The following DERL1 variants were observed in gnomAD, a reference collection of about 807,000 sequenced individuals.
The protein encoded by DERL1 is derlin-1.
DERL1 carries 24 observed loss-of-function variants against 41.6 expected under a neutral mutation model. The ratio of observed to expected loss-of-function variants is 0.58; its 90% CI spans 0.42 to 0.81. The LOEUF (loss-of-function observed/expected upper bound fraction) is 0.81. DERL1 is among the 30% of genes least tolerant of loss of function. The probability of loss-of-function intolerance (pLI) is 0.00; values close to 1 mark genes in which losing one functional copy is unlikely to be tolerated. For synonymous variants in DERL1, 124 were observed against 112.5 expected (o/e 1.10, Z -0.65); for missense variants, 260 against 314.3 (o/e 0.83, Z 1.31).
rs1586476150 is a variant in DERL1, at chr8:123,041,976, G to C, written c.147C>G (p.Arg49=). The C allele has an allele frequency of 1.9e-6, 3 of 1,610,458 alleles. No homozygotes were observed. In the East Asian group the frequency reaches 6.7e-5, roughly 36 times the overall value. The change falls in exon 1 of 8, where the codon CGC becomes CGG. Residue 49 remains arginine (R), a synonymous_variant. Transcript: ENST00000259512. ...LFLWPEAFLY[R]FQIWRPITAT... is the part of the protein sequence containing the mutation. ...CCCCGTCTCCGGTAAGTACCTGAAA[G>C]CGATAAAGGAAGGCTTCGGGCCAGA...
intron 6 of DERL1, among the ~76,000 whole-genome samples, 177 bp downstream of exon 6, chr8:123,021,270 T>C (rs1433654954): frequency 1.3e-5 from 2 of 152,212 alleles, no homozygotes; most frequent in Non-Finnish European, 2.9e-5. Flanking sequence ...AGGTTAAATA[T>C]GCTTAAAGCC....
At chr8:123,037,861 A>C (rs2130496420) in intron 1 of DERL1, among the ~76,000 whole-genome samples, 1 of 152,328 alleles carries the variant, frequency 6.6e-6, no homozygotes, top group African/African-American at 2.4e-5. Flanking sequence ...ATGAAGAAAT[A>C]TAGCCATGCA....
intron 4 of DERL1, 83 bp from the exon 5 acceptor site, chr8:123,022,862 T>C: frequency 9.5e-7 from 1 of 1,048,374 alleles, no homozygotes; most frequent in Non-Finnish European, 1.5e-6. Flanking sequence ...TTACCCCTCC[T>C]CTTCACAACA....
chr8:123,033,793 G>C (rs1469196229), intron 1 of DERL1, among the ~76,000 whole-genome samples: 1 of 152,144 alleles, frequency 6.6e-6, no homozygotes, highest in African/African-American at 2.4e-5. Context: ...TACAACCCTA[G>C]CTGTAAATAA....
intron 1 of DERL1, among the ~76,000 whole-genome samples, chr8:123,034,142 G>C (rs2130490278): frequency 6.6e-6 from 1 of 152,328 alleles, no homozygotes; most frequent in South Asian, 2.1e-4. Flanking sequence ...AGTGTGGCTG[G>C]AATGGAGGAC....
chr8:123,014,507 T>A lies in DERL1; in HGVS notation c.*940A>T, dbSNP rs3739292. Reference sequence around the variant, plus strand: ...CAATGAACACATATCCAGAATGAGATTGAAATGGAATCAATGCCCAGGAGC... The same window carrying A: ...CAATGAACACATATCCAGAATGAGAATGAAATGGAATCAATGCCCAGGAGC... On this transcript the variant is annotated 3_prime_UTR_variant, in exon 8 of 8. Transcript: ENST00000259512. 6.6e-6 allele frequency: 1 copy of A among 152,588 alleles called. No individual in the cohort carries two copies. Among genetic ancestry groups the A allele is most frequent in the Non-Finnish European group, 1.5e-5 (1 of 68,058 alleles). 9.5% of individuals were successfully genotyped at this position (152,588 alleles called of 1,614,324 possible).
chr8:123,020,474 C>G (rs1028686565), intron 6 of DERL1, among the ~76,000 whole-genome samples: 5 of 151,754 alleles, frequency 3.3e-5, no homozygotes, highest in African/African-American at 4.8e-5. Flanking sequence ...AGCCAGACCC[C>G]ATCTTGAAAA....
rs1009693355 is a variant in DERL1, at chr8:123,041,975, A to C, written c.148T>G (p.Phe50Val). The change falls in exon 1 of 8, where the codon TTT becomes GTT. Residue 50 changes from phenylalanine (F) to valine (V), a missense_variant. Coordinates refer to ENST00000259512, the MANE Select transcript of DERL1 (RefSeq NM_024295.6). ...FLWPEAFLYR[F>V]QIWRPITATF... ...CCCCCGTCTCCGGTAAGTACCTGAA[A>C]GCGATAAAGGAAGGCTTCGGGCCAG... 2.5e-6 allele frequency: 4 copies of C among 1,610,190 alleles called. No individual in the cohort carries two copies. In the South Asian group the frequency reaches 4.4e-5, roughly 18 times the overall value.
At position 123,040,091 on chromosome 8, in the gene DERL1, C is replaced by T. The variant is rs142038062; in HGVS notation, c.153+1879G>A. Among the ~76,000 whole-genome samples, 636 of 152,274 alleles carry T rather than the reference C, an allele frequency of 4.2e-3. 6 individuals carry two copies. The highest frequency in any genetic ancestry group is 0.014 in the African/African-American group (580 of 41,552). Reference sequence around the variant, plus strand: ...AATTAGCTGGGCATGGTGGTGTGCACCTGTAATTCCAGCTACTTGGGAGGC... The same window carrying T: ...AATTAGCTGGGCATGGTGGTGTGCATCTGTAATTCCAGCTACTTGGGAGGC... On this transcript the variant is annotated intron_variant, in intron 1 of 7. Coordinates refer to ENST00000259512, the MANE Select transcript of DERL1 (RefSeq NM_024295.6).
intron 5 of DERL1, among the ~76,000 whole-genome samples, chr8:123,022,287 G>T (rs1305701259): frequency 2.0e-5 from 3 of 152,200 alleles, no homozygotes; most frequent in African/African-American, 7.2e-5. Flanking sequence ...AATTGTGAAA[G>T]AATGTACAAA....
rs761219942 is a variant in DERL1 at position 123,015,560 on chromosome 8, C to CT, written c.642dup (p.Gly215ArgfsTer12). 2 of 1,611,408 alleles carry CT rather than the reference C, an allele frequency of 1.2e-6. No individual in the cohort carries two copies. The highest frequency in any genetic ancestry group is 2.7e-5 in the African/African-American group (2 of 74,880). On this transcript the variant is annotated frameshift_variant, in exon 8 of 8. Transcript: ENST00000259512. LOFTEE classifies it high-confidence loss of function. Reference sequence around the variant, plus strand: ...GGCACACCAAATCCTGATACTCCTCCTCTCCTACTGGGCAGCCAGCGGTAC... The same window carrying CT: ...GGCACACCAAATCCTGATACTCCTCCTTCTCCTACTGGGCAGCCAGCGGTAC...
chr8:123,025,845 A>C (rs1812675945), intron 2 of DERL1: 1 of 152,244 alleles, frequency 6.6e-6, no homozygotes, highest in African/African-American at 2.4e-5. Flanking sequence ...AGCTTGTTAG[A>C]ACCAGAGTGA....
chr8:123,036,631 T>A (rs940799193), intron 1 of DERL1, among the ~76,000 whole-genome samples: 7 of 152,316 alleles, frequency 4.6e-5, no homozygotes, highest in African/African-American at 1.4e-4. Flanking sequence ...AAAGCCACAA[T>A]CTAATGGGCA....
chr8:123,018,440 C>G (rs547836870), intron 7 of DERL1: 1 of 152,338 alleles, frequency 6.6e-6, no homozygotes, highest in South Asian at 2.1e-4. Context: ...ACCGAGAACC[C>G]GCTACTGTGC....
intron 2 of DERL1, among the ~76,000 whole-genome samples, chr8:123,029,152 T>C (rs7824629): frequency 0.54 from 82,360 of 151,952 alleles, 22,964 homozygotes; most frequent in East Asian, 0.7. Context: ...AGTATCATTA[T>C]GGGTCCAACT....
At chr8:123,020,966 CAAAA>C (rs542307362) in intron 6 of DERL1, among the ~76,000 whole-genome samples, 1 of 82,828 alleles carries the variant, frequency 1.2e-5, no homozygotes, top group Admixed American at 1.3e-4. Context: ...AACTTCGTCT[CAAAA>C]AAAAAAAAAA....
chr8:123,039,463 C>A (rs1211007762), intron 1 of DERL1, among the ~76,000 whole-genome samples: 1 of 152,236 alleles, frequency 6.6e-6, no homozygotes, highest in Admixed American at 6.5e-5. Context: ...CTAATCCTCA[C>A]CCTACAGCTG....
intron 1 of DERL1, among the ~76,000 whole-genome samples, chr8:123,031,482 T>A (rs953859754): frequency 1.3e-5 from 2 of 151,956 alleles, no homozygotes; most frequent in African/African-American, 4.8e-5. Flanking sequence ...GAGGCGGAGG[T>A]TGCAGTAAGC....
intron 6 of DERL1, 32 bp downstream of exon 6, chr8:123,021,415 G>A: frequency 1.3e-6 from 2 of 1,591,574 alleles, no homozygotes; most frequent in Non-Finnish European, 1.7e-6. Flanking sequence ...CCAAGGATTA[G>A]TTTCCAATTA....
Sources: gnomAD v4.1 joint callset for allele counts (sites outside exome capture counted in the v4.1 genomes callset) on GRCh38, gnomAD v4.1.1 for gene constraint, MANE v1.5 for transcripts, NCBI Gene and HGNC (gene_info 2026-07-23, HGNC 2026-07-21) for gene names.